The following PCP4 variants were observed in gnomAD, a reference collection of about 807,000 sequenced individuals.
PCP4 encodes the protein Purkinje cell protein 4.
Under a neutral mutation model 10.0 loss-of-function variants are expected in PCP4, and 8 were observed. The observed-to-expected ratio is 0.80, with a 90% confidence interval of 0.47 to 1.45. The LOEUF (loss-of-function observed/expected upper bound fraction) is 1.45. PCP4 is among the 40% of genes most tolerant of loss of function. The pLI is 0.00. For missense variants in PCP4, 54 were observed against 74.4 expected, an observed-to-expected ratio of 0.73 and a Z score of 1.01; for synonymous variants, 21 against 23.0, an observed-to-expected ratio of 0.91 and a Z score of 0.24.
rs570102926 is a variant in PCP4, at chr21:39,884,041, G to A, written c.10-14435G>A. ...TGAACTGGGCCACACAGCTGCTGGG[G>A]ACCAGGGCTGGGATTACCTGGGTAG... On this transcript the variant is annotated intron_variant, in intron 1 of 2. Transcript: ENST00000328619. 1.4e-3 allele frequency among the ~76,000 whole-genome samples: 217 copies of A among 152,304 alleles called. 1 individual carries two copies. The highest frequency in any genetic ancestry group is 5.1e-3 in the African/African-American group (212 of 41,572).
chr21:39,921,680 G>A (rs1363506322), intron 2 of PCP4, among the ~76,000 whole-genome samples: 2 of 152,170 alleles, frequency 1.3e-5, no homozygotes, highest in Non-Finnish European at 2.9e-5. Context: ...ATTGATTAAT[G>A]TTAAATTAAT....
chr21:39,898,409 AAG>A (rs1242586037), intron 1 of PCP4, 65 bp from the exon 2 acceptor site: 16 of 1,269,326 alleles, frequency 1.3e-5, no homozygotes, highest in Non-Finnish European at 1.7e-5. Flanking sequence ...GCAACAATAA[AAG>A]AGACAAAAGT....
At chr21:39,900,032 G>T (rs574922903) in intron 2 of PCP4, among the ~76,000 whole-genome samples, 2 of 152,012 alleles carry the variant, frequency 1.3e-5, no homozygotes, top group African/African-American at 4.8e-5. Flanking sequence ...CTCTATTGTC[G>T]TGATTCTCAA....
intron 1 of PCP4, among the ~76,000 whole-genome samples, chr21:39,882,096 C>A (rs16998805): frequency 0.033 from 5,074 of 152,286 alleles, 283 homozygotes; most frequent in African/African-American, 0.11. Context: ...GCAGACAGAG[C>A]CTTGTGACTT....
At chr21:39,891,872 C>G (rs1299868834) in intron 1 of PCP4, among the ~76,000 whole-genome samples, 1 of 152,236 alleles carries the variant, frequency 6.6e-6, no homozygotes, top group Admixed American at 6.5e-5. Context: ...CTACTGCTAT[C>G]TACTACGAAC....
chr21:39,879,353 G>T (rs1034692822), intron 1 of PCP4, among the ~76,000 whole-genome samples: 1 of 152,026 alleles, frequency 6.6e-6, no homozygotes, highest in African/African-American at 2.4e-5. Flanking sequence ...CCTCCTTCAA[G>T]TTCATAGTTA....
intron 1 of PCP4, among the ~76,000 whole-genome samples, chr21:39,873,013 T>C (rs761107380): frequency 1.1e-4 from 16 of 152,084 alleles, no homozygotes; most frequent in Admixed American, 3.9e-4. Context: ...TTTGGGAAAA[T>C]GTCAGGGAAA....
At chr21:39,882,530 T>C (rs2037916) in intron 1 of PCP4, among the ~76,000 whole-genome samples, 102,452 of 152,176 alleles carry the variant, frequency 0.67, 36,338 homozygotes, top group African/African-American at 0.91. Context: ...TGGCCGGTTT[T>C]TGTAATCCGG....
At chr21:39,925,516 T>C (rs896978790) in intron 2 of PCP4, among the ~76,000 whole-genome samples, 1 of 152,212 alleles carries the variant, frequency 6.6e-6, no homozygotes, top group African/African-American at 2.4e-5. Flanking sequence ...GCTCACGCTC[T>C]AGCGTAGAAG....
intron 2 of PCP4, among the ~76,000 whole-genome samples, chr21:39,926,508 T>A (rs1256290650): frequency 6.6e-6 from 1 of 152,212 alleles, no homozygotes; most frequent in Non-Finnish European, 1.5e-5. Context: ...CAGGAGTGAA[T>A]TTTTCCCCTT....
At chr21:39,893,297 G>T (rs2087441904) in intron 1 of PCP4, among the ~76,000 whole-genome samples, 1 of 152,152 alleles carries the variant, frequency 6.6e-6, no homozygotes, top group African/African-American at 2.4e-5. Flanking sequence ...TCAAAAAATT[G>T]TACCTTTAAA....
rs2054996654 is a variant in PCP4 at position 39,906,513 on chromosome 21, C to G, written c.61+7986C>G. Reference sequence around the variant, plus strand: ...AGCCTCTTCATATTTCACCTGCCCTCTTCCTCACCCTTTCTCTTTCTCCCT... The same window carrying G: ...AGCCTCTTCATATTTCACCTGCCCTGTTCCTCACCCTTTCTCTTTCTCCCT... On this transcript the variant is annotated intron_variant, in intron 2 of 2. Coordinates refer to ENST00000328619, the MANE Select transcript of PCP4 (RefSeq NM_006198.3). This position sits in a 1 kb window ranked among gnomAD's most constrained non-coding sequence, Gnocchi z 6.3. Among the ~76,000 whole-genome samples the G allele has an allele frequency of 6.6e-6, 1 of 152,006 alleles. No homozygotes were observed.
intron 1 of PCP4, among the ~76,000 whole-genome samples, chr21:39,876,497 G>T (rs906776099): frequency 6.6e-6 from 1 of 152,146 alleles, no homozygotes; most frequent in Non-Finnish European, 1.5e-5. Context: ...TTTAGTTAAA[G>T]GTAGATTGTA....
chr21:39,921,558 T>C (rs575954178), intron 2 of PCP4, among the ~76,000 whole-genome samples: 120 of 152,336 alleles, frequency 7.9e-4, no homozygotes, highest in African/African-American at 2.7e-3. Flanking sequence ...TTAGGTCAGG[T>C]GCTGTTATAG....
intron 1 of PCP4, 36 bp from the exon 2 acceptor site, chr21:39,898,440 T>C (rs2087467741): frequency 1.3e-6 from 2 of 1,565,900 alleles, no homozygotes; most frequent in African/African-American, 1.4e-5. Flanking sequence ...GTATATCTGA[T>C]AACAATTGCT....
chr21:39,899,838 A>G (rs2087474471), intron 2 of PCP4, among the ~76,000 whole-genome samples: 1 of 152,112 alleles, frequency 6.6e-6, no homozygotes, highest in South Asian at 2.1e-4. Context: ...AGGGAGGAGC[A>G]ATATTGTAGT....
intron 2 of PCP4, among the ~76,000 whole-genome samples, chr21:39,909,900 A>G (rs1601185106): frequency 6.6e-6 from 1 of 150,742 alleles, no homozygotes; most frequent in East Asian, 2.0e-4. Context: ...GGTTCAAGCG[A>G]TTCTCCTGCC....
chr21:39,911,670 C>T (rs1052574775), intron 2 of PCP4, among the ~76,000 whole-genome samples: 9 of 152,170 alleles, frequency 5.9e-5, no homozygotes, highest in Non-Finnish European at 1.3e-4. Context: ...GCTCCCCAGC[C>T]CCATGGCAAT....
At chr21:39,921,292 G>A (rs1282481407) in intron 2 of PCP4, among the ~76,000 whole-genome samples, 1 of 152,196 alleles carries the variant, frequency 6.6e-6, no homozygotes, top group Non-Finnish European at 1.5e-5. Context: ...AGATGAAGTA[G>A]CACAACCCCA....
Sources: allele counts gnomAD v4.1 joint callset (sites outside exome capture counted in the v4.1 genomes callset), GRCh38; gene constraint gnomAD v4.1.1; non-coding constraint Gnocchi (gnomAD v3.1); transcripts MANE v1.5; gene names NCBI Gene and HGNC (gene_info 2026-07-23, HGNC 2026-07-21).